Variants in NBEA observed in about 807,000 individuals in gnomAD.
NBEA encodes neurobeachin.
In NBEA, 44 loss-of-function variants were observed where a neutral mutation model predicts 343.4. That is an observed-to-expected ratio of 0.13 (90% CI 0.10 to 0.16). NBEA has a LOEUF of 0.16. NBEA is among the 10% of genes least tolerant of loss of function. The probability of loss-of-function intolerance (pLI) is 1.00; values close to 1 mark genes in which losing one functional copy is unlikely to be tolerated. For missense variants in NBEA, 2,555 were observed against 3,631.3 expected, an observed-to-expected ratio of 0.70 and a Z score of 7.62; for synonymous variants, 1,175 against 1,238.7, an observed-to-expected ratio of 0.95 and a Z score of 1.08.
intron 6 of NBEA, among the ~76,000 whole-genome samples, chr13:35,055,352 A>G (rs1163849866): frequency 6.6e-6 from 1 of 151,712 alleles, no homozygotes; most frequent in Non-Finnish European, 1.5e-5. Flanking sequence ...TAACTATAAA[A>G]TGGGCACTTA....
At chr13:34,969,316 TA>T (rs879643826) in intron 1 of NBEA, among the ~76,000 whole-genome samples, 23 of 146,670 alleles carry the variant, frequency 1.6e-4, no homozygotes, top group South Asian at 4.3e-4. Flanking sequence ...TTTTGGTTTT[TA>T]AAAAAAAAAA....
intron 35 of NBEA, among the ~76,000 whole-genome samples, chr13:35,296,545 A>G (rs2036143858): frequency 6.6e-6 from 1 of 152,072 alleles, no homozygotes; most frequent in Non-Finnish European, 1.5e-5. Context: ...GAAGGAATGT[A>G]GAATATTCTG....
chr13:35,503,311 A>G (rs576230077), intron 41 of NBEA, among the ~76,000 whole-genome samples: 4 of 152,010 alleles, frequency 2.6e-5, no homozygotes, highest in African/African-American at 9.6e-5. Context: ...AGAATTTAAA[A>G]TACTATACAT....
intron 8 of NBEA, among the ~76,000 whole-genome samples, chr13:35,059,601 T>C (rs1240204902): frequency 6.6e-6 from 1 of 151,846 alleles, no homozygotes; most frequent in Non-Finnish European, 1.5e-5. Flanking sequence ...GGAGTACTTG[T>C]CTTGTATGGA....
intron 30 of NBEA, among the ~76,000 whole-genome samples, chr13:35,188,750 G>T (rs1357940217): frequency 6.6e-6 from 1 of 152,030 alleles, no homozygotes; most frequent in South Asian, 2.1e-4. Flanking sequence ...ATACCCTGAA[G>T]TGGAATTATT....
intron 10 of NBEA, among the ~76,000 whole-genome samples, chr13:35,085,312 A>T (rs976001134): frequency 6.6e-6 from 1 of 152,122 alleles, no homozygotes; most frequent in Admixed American, 6.6e-5. Context: ...ATCCCTGATG[A>T]ACATCGATGC....
intron 1 of NBEA, among the ~76,000 whole-genome samples, chr13:35,025,538 G>T (rs1321762983): frequency 6.6e-6 from 1 of 152,056 alleles, no homozygotes; most frequent in Non-Finnish European, 1.5e-5. Flanking sequence ...GTCTGTTTTT[G>T]TATGAGTACC....
chr13:35,637,675 A>G (rs2083751100), intron 49 of NBEA, among the ~76,000 whole-genome samples: 1 of 151,952 alleles, frequency 6.6e-6, no homozygotes, highest in Non-Finnish European at 1.5e-5. Context: ...TACAAAAATT[A>G]GCCGGGCATG....
At chr13:35,216,903 G>C (rs2074096016) in intron 33 of NBEA, among the ~76,000 whole-genome samples, 1 of 151,732 alleles carries the variant, frequency 6.6e-6, no homozygotes, top group Non-Finnish European at 1.5e-5. Flanking sequence ...TGTTTCTCTG[G>C]GATAAGTACC....
intron 56 of NBEA, among the ~76,000 whole-genome samples, chr13:35,665,415 T>C (rs927214120): frequency 6.6e-6 from 1 of 152,144 alleles, no homozygotes; most frequent in African/African-American, 2.4e-5. Context: ...AGAACACTGA[T>C]AAATTACAGT....
intron 31 of NBEA, among the ~76,000 whole-genome samples, chr13:35,196,848 GA>G (rs962919002): frequency 6.6e-6 from 1 of 152,016 alleles, no homozygotes; most frequent in African/African-American, 2.4e-5. Context: ...GCTGTATTTT[GA>G]AGCATGTATT....
In NBEA at chr13:35,160,860, A is replaced by G. The variant is rs139031817; in HGVS notation, c.3861+828A>G. On this transcript the variant is annotated intron_variant, in intron 22 of 58. Transcript: ENST00000379939. ...CTTATGGTTAAGAGTTGAAGAAATA[A>G]GAATACATTTACCGTTAATGACTTG... is the stretch of plus-strand genomic sequence containing the variant. Among the ~76,000 whole-genome samples the G allele has an allele frequency of 5.4e-3, 826 of 152,288 alleles. 9 individuals carry two copies. The highest frequency in any genetic ancestry group is 0.019 in the African/African-American group (777 of 41,558).
At chr13:35,210,896 T>TAAAA (rs2073728497) in intron 32 of NBEA, among the ~76,000 whole-genome samples, 157 bp from the exon 33 acceptor site, 1 of 152,210 alleles carries the variant, frequency 6.6e-6, no homozygotes, top group South Asian at 2.1e-4. Flanking sequence ...TAAAATTATG[T>TAAAA]TCATTAGCAT....
At chr13:35,346,428 T>C (rs2039880608) in intron 36 of NBEA, among the ~76,000 whole-genome samples, 1 of 152,116 alleles carries the variant, frequency 6.6e-6, no homozygotes, top group Admixed American at 6.6e-5. Flanking sequence ...AGAGTTTACG[T>C]GATGTTCTTT....
chr13:35,161,673 T>G, intron 22 of NBEA, 77 bp from the exon 23 acceptor site: 1 of 1,187,198 alleles, frequency 8.4e-7, no homozygotes, highest in East Asian at 2.5e-5. Flanking sequence ...ATTATTCACT[T>G]TACTATACTC....
At chr13:35,453,427 C>T (rs546753226) in intron 40 of NBEA, among the ~76,000 whole-genome samples, 1 of 152,152 alleles carries the variant, frequency 6.6e-6, no homozygotes, top group East Asian at 1.9e-4. Flanking sequence ...TCAAGTTTTG[C>T]TTTCGTTGTT....
At chr13:35,475,837 T>C in intron 41 of NBEA, 1 of 1,613,996 alleles carries the variant, frequency 6.2e-7, no homozygotes, top group Middle Eastern at 1.6e-4. Flanking sequence ...GTCGCTCAAC[T>C]TCAGCACCGC....
chr13:35,366,875 G>C (rs1324409004), intron 38 of NBEA, among the ~76,000 whole-genome samples: 1 of 151,230 alleles, frequency 6.6e-6, no homozygotes, highest in Non-Finnish European at 1.5e-5. Flanking sequence ...AACAGCCTCT[G>C]AAAAAGTAAA....
At chr13:35,046,816 A>G (rs1243343397) in intron 4 of NBEA, among the ~76,000 whole-genome samples, 1 of 152,126 alleles carries the variant, frequency 6.6e-6, no homozygotes, top group Non-Finnish European at 1.5e-5. Flanking sequence ...CTATGAAACC[A>G]CAGATAAGAG....
Sources: gnomAD v4.1 joint callset for allele counts (sites outside exome capture counted in the v4.1 genomes callset) on GRCh38, gnomAD v4.1.1 for gene constraint, MANE v1.5 for transcripts, NCBI Gene and HGNC (gene_info 2026-07-23, HGNC 2026-07-21) for gene names.